The following AMOTL1 variants were observed in gnomAD, a reference collection of about 807,000 sequenced individuals.
AMOTL1 encodes the protein angiomotin like 1.
A neutral mutation model predicts 102.9 loss-of-function variants in AMOTL1; 45 were observed. The ratio of observed to expected loss-of-function variants is 0.44; its 90% confidence interval spans 0.34 to 0.56. The LOEUF is 0.56. Ranked by LOEUF, AMOTL1 falls within the 20% of genes least tolerant of loss-of-function variation. AMOTL1 has a pLI of 0.01. For synonymous variants in AMOTL1, 481 were observed against 484.7 expected (o/e 0.99, Z 0.10); for missense variants, 1,114 against 1,225.6 (o/e 0.91, Z 1.36).
At chr11:94,859,289 A>G (rs1952727505) in intron 8 of AMOTL1, among the ~76,000 whole-genome samples, 1 of 152,210 alleles carries the variant, frequency 6.6e-6, no homozygotes, top group Non-Finnish European at 1.5e-5. Context: ...GCTGAGAGAC[A>G]TTGCATCATT....
intron 4 of AMOTL1, among the ~76,000 whole-genome samples, chr11:94,824,110 G>C (rs1168413708): frequency 6.6e-6 from 1 of 152,146 alleles, no homozygotes; most frequent in Non-Finnish European, 1.5e-5. Flanking sequence ...CTGCACAGAG[G>C]ATGGTTCTTA....
chr11:94,810,269 G>T (rs1951649894), intron 3 of AMOTL1, among the ~76,000 whole-genome samples: 2 of 152,136 alleles, frequency 1.3e-5, no homozygotes, highest in African/African-American at 4.8e-5. Flanking sequence ...TATTTAGATA[G>T]GTAGTTCTAA....
chr11:94,713,435 G>A (rs560704723), intron 1 of AMOTL1, among the ~76,000 whole-genome samples: 1 of 151,924 alleles, frequency 6.6e-6, no homozygotes, highest in East Asian at 1.9e-4. Flanking sequence ...ATTTTGATAG[G>A]AATCCTGTTA....
rs1555067546 is a variant in AMOTL1 at position 94,771,261 on chromosome 11, G to GT, written c.49+2701_49+2702insT. 1.2e-4 allele frequency among the ~76,000 whole-genome samples: 17 copies of GT among 139,078 alleles called. 2 individuals are homozygous for GT. The East Asian group carries it at 1.2e-3, about 10-fold the overall frequency. The allele number at this position is 139,078 out of a possible 152,430, so 91.2% of individuals were successfully genotyped here. ...TTTTCTTTTCTTTTTGGCGGGGTTGGGGGGGGGGTGCGGTGTGTGGCTATC... is the reference window on the plus strand; with the variant it reads ...TTTTCTTTTCTTTTTGGCGGGGTTGGTGGGGGGGGTGCGGTGTGTGGCTATC... On this transcript the variant is annotated intron_variant, in intron 1 of 12. Coordinates refer to ENST00000433060, the MANE Select transcript of AMOTL1 (RefSeq NM_130847.3).
Position 94,850,271 on chromosome 11 carries a change from C to T in AMOTL1, c.1794+12C>T. ...AGCTGGAAGAGGAGGTGAGACCAGG[C>T]TGTGGGGATTTGGTGGGGAAGAGGG... On this transcript the variant is annotated intron_variant, in intron 7 of 12. Transcript: ENST00000433060. 1.3e-6 allele frequency: 2 copies of T among 1,586,980 alleles called. No homozygotes were observed. The highest frequency in any genetic ancestry group is 1.7e-6 in the Non-Finnish European group (2 of 1,167,166).
At position 94,713,196 on chromosome 11, in the gene AMOTL1, A is replaced by G. The variant is rs549862234; in HGVS notation, c.-51+6599A>G. Among the ~76,000 whole-genome samples the G allele has an allele frequency of 4.6e-5, 7 of 151,954 alleles. No homozygotes were observed. In the East Asian group the frequency reaches 9.7e-4, roughly 21 times the overall value. On this transcript the variant is annotated intron_variant, in intron 1 of 4. Coordinates refer to the AMOTL1 transcript ENST00000299004. ...GTATAACTTTATCTCTGGGTTCTCC[A>G]TTCTCTTCCATTGATGTGCCTATAT... is the stretch of plus-strand genomic sequence containing the variant.
chr11:94,758,259 A>G lies in AMOTL1; in HGVS notation c.136+17271A>G, dbSNP rs139143031. ...AGCACTACCATTTATTATTTCATTT[A>G]TAGTTGGGAAAGTTTTTGATGGTAC... On this transcript the variant is annotated intron_variant, in intron 3 of 4. Coordinates refer to the AMOTL1 transcript ENST00000299004. Among the ~76,000 whole-genome samples, 360 of 152,324 alleles carry G rather than the reference A, an allele frequency of 2.4e-3. 2 individuals are homozygous for G. Among genetic ancestry groups the G allele is most frequent in the African/African-American group, 8.4e-3 (349 of 41,572 alleles).
chr11:94,846,957 A>T (rs1466669832), intron 6 of AMOTL1, among the ~76,000 whole-genome samples: 3 of 152,204 alleles, frequency 2.0e-5, no homozygotes, highest in African/African-American at 2.4e-5. Context: ...TGTTACTACT[A>T]TTATCATGAG....
chr11:94,765,578 A>G (rs561538502), upstream of AMOTL1, among the ~76,000 whole-genome samples: 6 of 152,318 alleles, frequency 3.9e-5, no homozygotes, highest in African/African-American at 1.2e-4. Flanking sequence ...GCTTCCATGT[A>G]TCTGATTACT....
intron 1 of AMOTL1, among the ~76,000 whole-genome samples, chr11:94,780,996 C>G (rs768150901): frequency 6.6e-6 from 1 of 152,142 alleles, no homozygotes; most frequent in African/African-American, 2.4e-5. Flanking sequence ...CAACATCATT[C>G]TCTTTCCCCT....
chr11:94,848,156 G>A (rs1187700408), intron 6 of AMOTL1, among the ~76,000 whole-genome samples: 1 of 152,214 alleles, frequency 6.6e-6, no homozygotes, highest in African/African-American at 2.4e-5. Flanking sequence ...AGAGTGAGGT[G>A]CTTTGATCCC....
At chr11:94,788,480 A>G (rs1390378862) in intron 1 of AMOTL1, among the ~76,000 whole-genome samples, 1 of 152,090 alleles carries the variant, frequency 6.6e-6, no homozygotes, top group African/African-American at 2.4e-5. Context: ...GTGGATTAAC[A>G]TCCTCCTCAT....
At chr11:94,767,044 G>A (rs1293134278), upstream of AMOTL1, among the ~76,000 whole-genome samples, 2 of 151,900 alleles carry the variant, frequency 1.3e-5, no homozygotes, top group African/African-American at 2.4e-5. Flanking sequence ...ACCCTCCCAG[G>A]CTTTTCCTTC....
intron 1 of AMOTL1, among the ~76,000 whole-genome samples, chr11:94,727,289 A>G (rs1950276478): frequency 6.6e-6 from 1 of 152,206 alleles, no homozygotes; most frequent in Non-Finnish European, 1.5e-5. Flanking sequence ...TATTGTTAAT[A>G]CTATTTAATA....
chr11:94,850,013 A>C, intron 6 of AMOTL1, 101 bp from the exon 7 acceptor site: 1 of 1,339,156 alleles, frequency 7.5e-7, no homozygotes, highest in Non-Finnish European at 1.0e-6. Context: ...CATTATTTGC[A>C]TGCTTTTTTA....
intron 3 of AMOTL1, among the ~76,000 whole-genome samples, chr11:94,757,382 G>A (rs1950739111): frequency 6.6e-6 from 1 of 152,094 alleles, no homozygotes; most frequent in African/African-American, 2.4e-5. Context: ...CAGAAGTTAA[G>A]TCGTTCAGCC....
chr11:94,768,503 G>A lies in AMOTL1; in HGVS notation c.-9G>A. The A allele has an allele frequency of 1.3e-6, 2 of 1,598,416 alleles. No individual in the cohort carries two copies. Among genetic ancestry groups the A allele is most frequent in the African/African-American group, 1.3e-5 (1 of 74,680 alleles). On this transcript the variant is annotated 5_prime_UTR_variant, in exon 1 of 13. An upstream start codon of the reference 5' UTR is lost. Transcript: ENST00000433060. ...CCAGCCGAGGGACTGAACTAGCCAT[G>A]ATCGCCTCATGTGGAGGGCAAAGTT...
At chr11:94,844,823 C>A (rs148797800) in intron 6 of AMOTL1, among the ~76,000 whole-genome samples, 5 of 152,158 alleles carry the variant, frequency 3.3e-5, no homozygotes, top group African/African-American at 4.8e-5. Context: ...CAAACCATAG[C>A]AAACACCTAT....
chr11:94,874,780 GA>G lies in AMOTL1; in HGVS notation c.*3987del, dbSNP rs987480019. On this transcript the variant is annotated 3_prime_UTR_variant, in exon 13 of 13. Transcript: ENST00000433060. ...ACTTCAGGTGAGGCTGCGGACCTCA[GA>G]AGCAGTGGATAATAGATTGGGGCAT... The G allele has an allele frequency of 6.6e-6, 1 of 152,226 alleles. No individual in the cohort carries two copies. Among genetic ancestry groups the G allele is most frequent in the African/African-American group, 2.4e-5 (1 of 41,468 alleles). The allele number at this position is 152,226 out of a possible 1,614,324, so 9.4% of individuals were successfully genotyped here.
Sources: allele counts gnomAD v4.1 joint callset (sites outside exome capture counted in the v4.1 genomes callset), GRCh38; gene constraint gnomAD v4.1.1; transcripts MANE v1.5; gene names NCBI Gene and HGNC (gene_info 2026-07-23, HGNC 2026-07-21).